The following EPHA6 variants were observed in gnomAD, a reference collection of about 807,000 sequenced individuals.
The protein encoded by EPHA6 is EPH receptor A6.
EPHA6 carries 50 observed loss-of-function variants against 112.0 expected under a neutral mutation model. That is an observed-to-expected ratio of 0.45 (90% CI 0.36 to 0.56). The LOEUF is 0.56. EPHA6 is among the 20% of genes least tolerant of loss of function. The pLI, the probability that EPHA6 is intolerant of heterozygous loss-of-function variation, is 0.00. For synonymous variants in EPHA6, 529 were observed against 490.7 expected (o/e 1.08, Z -1.03); for missense variants, 1,280 against 1,417.4 (o/e 0.90, Z 1.56).
intron 3 of EPHA6, among the ~76,000 whole-genome samples, chr3:97,068,380 G>C (rs2046247041): frequency 6.6e-6 from 1 of 151,978 alleles, no homozygotes; most frequent in African/African-American, 2.4e-5. Context: ...GGTATGAAAG[G>C]AAACTTAAGC....
intron 15 of EPHA6, among the ~76,000 whole-genome samples, chr3:97,730,818 G>A (rs904848861): frequency 6.6e-6 from 1 of 152,132 alleles, no homozygotes; most frequent in Non-Finnish European, 1.5e-5. Context: ...TGTGCTACAT[G>A]CTGGGAACAC....
Position 97,365,162 on chromosome 3 carries a change from AG to A in EPHA6, c.1607-39987del, listed in dbSNP as rs545192549. On this transcript the variant is annotated intron_variant, in intron 5 of 17. Coordinates refer to ENST00000389672, the MANE Select transcript of EPHA6 (RefSeq NM_001080448.3). ...ATGAATATCTCTTAAATTTTGTGTAAGAAGCTATTATCATAATCATATTCAT... is the reference window on the plus strand; with the variant it reads ...ATGAATATCTCTTAAATTTTGTGTAAAAGCTATTATCATAATCATATTCAT... Among the ~76,000 whole-genome samples the A allele has an allele frequency of 9.2e-5, 14 of 152,304 alleles. No homozygotes were observed. In the East Asian group the frequency reaches 2.7e-3, roughly 29 times the overall value.
chr3:96,937,782 G>A (rs1468253192), intron 2 of EPHA6, among the ~76,000 whole-genome samples: 4 of 152,072 alleles, frequency 2.6e-5, no homozygotes, highest in African/African-American at 7.2e-5. Context: ...ATTAATTTTT[G>A]TATAAGGTGT....
At chr3:97,266,780 T>C (rs1490329564) in intron 5 of EPHA6, among the ~76,000 whole-genome samples, 1 of 118,054 alleles carries the variant, frequency 8.5e-6, no homozygotes, top group Non-Finnish European at 1.5e-5. Flanking sequence ...TAAAGGATGA[T>C]ACTAATATAA....
In EPHA6 at chr3:97,507,881, A is replaced by G. The variant is rs2092287078; in HGVS notation, c.2200+23822A>G. Among the ~76,000 whole-genome samples the G allele has an allele frequency of 3.3e-5, 5 of 152,046 alleles. No homozygotes were observed. The South Asian group carries it at 1.0e-3, about 31-fold the overall frequency. ...CAGGGATTCGACTTCTTCCTGGTTTAGCCTTGGGAGGGTGTACGTGTCCAG... is the reference window on the plus strand; with the variant it reads ...CAGGGATTCGACTTCTTCCTGGTTTGGCCTTGGGAGGGTGTACGTGTCCAG... On this transcript the variant is annotated intron_variant, in intron 10 of 17. Coordinates refer to ENST00000389672, the MANE Select transcript of EPHA6 (RefSeq NM_001080448.3).
At chr3:97,287,172 A>AT (rs34724407) in intron 5 of EPHA6, among the ~76,000 whole-genome samples, 1 of 152,136 alleles carries the variant, frequency 6.6e-6, no homozygotes, top group Non-Finnish European at 1.5e-5. Context: ...TATATGTAAA[A>AT]TTTTGTCACC....
At chr3:97,318,087 G>A (rs2081930709) in intron 5 of EPHA6, among the ~76,000 whole-genome samples, 1 of 151,998 alleles carries the variant, frequency 6.6e-6, no homozygotes, top group South Asian at 2.1e-4. Context: ...GCTCAGGTCT[G>A]TTTGGGAGAA....
chr3:97,734,077 T>C (rs1421115224), intron 15 of EPHA6, among the ~76,000 whole-genome samples: 1 of 152,064 alleles, frequency 6.6e-6, no homozygotes, highest in Non-Finnish European at 1.5e-5. Context: ...GAAATGGAGA[T>C]AATAATATCT....
chr3:97,164,863 C>A (rs1320943106), intron 3 of EPHA6, among the ~76,000 whole-genome samples: 1 of 152,032 alleles, frequency 6.6e-6, no homozygotes, highest in Non-Finnish European at 1.5e-5. Context: ...CTTATTAACT[C>A]TTTCTGGAAC....
At chr3:96,863,594 G>A (rs2107440875) in intron 1 of EPHA6, among the ~76,000 whole-genome samples, 2 of 151,934 alleles carry the variant, frequency 1.3e-5, no homozygotes, top group Middle Eastern at 6.8e-3. Flanking sequence ...AAGATACTAA[G>A]AAACAACAAA....
chr3:97,321,463 C>G (rs1203821660), intron 5 of EPHA6, among the ~76,000 whole-genome samples: 1 of 151,856 alleles, frequency 6.6e-6, no homozygotes, highest in African/African-American at 2.4e-5. Context: ...TTTCAGAAAT[C>G]AATATGCAAT....
chr3:97,202,464 T>C (rs927994390), intron 3 of EPHA6, among the ~76,000 whole-genome samples: 7 of 151,672 alleles, frequency 4.6e-5, no homozygotes, highest in Admixed American at 6.6e-5. Flanking sequence ...CCATGGTACC[T>C]GAGATTATAG....
chr3:97,485,423 G>C (rs13316627), intron 10 of EPHA6, among the ~76,000 whole-genome samples: 2,754 of 152,238 alleles, frequency 0.018, 99 homozygotes, highest in African/African-American at 0.063. Flanking sequence ...AGCTAATCCT[G>C]TTTCCCGGGT....
chr3:97,617,849 A>T (rs1333797213), intron 13 of EPHA6, among the ~76,000 whole-genome samples: 2 of 152,150 alleles, frequency 1.3e-5, no homozygotes, highest in Non-Finnish European at 2.9e-5. Context: ...TTAAAACCCC[A>T]CTGTGAATAT....
At chr3:97,344,939 A>G (rs1366408767) in intron 5 of EPHA6, among the ~76,000 whole-genome samples, 1 of 152,164 alleles carries the variant, frequency 6.6e-6, no homozygotes, top group Non-Finnish European at 1.5e-5. Flanking sequence ...GAGAAAGAAT[A>G]GGATTGGATT....
chr3:96,914,600 C>T (rs1003735366), intron 2 of EPHA6, among the ~76,000 whole-genome samples: 2 of 152,028 alleles, frequency 1.3e-5, no homozygotes. Context: ...TTGAGGATAC[C>T]GCTTCATAAT....
chr3:97,061,394 A>G (rs953134010), intron 3 of EPHA6, among the ~76,000 whole-genome samples: 2 of 152,204 alleles, frequency 1.3e-5, no homozygotes, highest in Non-Finnish European at 2.9e-5. Context: ...GTCATATCCA[A>G]GTATACAAAA....
rs781029068 is a variant in EPHA6 at position 97,669,259 on chromosome 3, TTG to T, written c.2784+31179_2784+31180del. ...TTGACCTCCTCTTTTACTTTCTGTTTTGTTTTTTTTTTCTAATATATATACCC... is the reference window on the plus strand; with the variant it reads ...TTGACCTCCTCTTTTACTTTCTGTTTTTTTTTTTTTCTAATATATATACCC... On this transcript the variant is annotated intron_variant, in intron 14 of 17. Transcript: ENST00000389672. Among the ~76,000 whole-genome samples the T allele has an allele frequency of 2.6e-5, 4 of 152,144 alleles. No homozygotes were observed. In the South Asian group the frequency reaches 6.2e-4, roughly 24 times the overall value.
chr3:97,083,327 A>G (rs576852648), intron 3 of EPHA6, among the ~76,000 whole-genome samples: 11 of 151,942 alleles, frequency 7.2e-5, no homozygotes, highest in Non-Finnish European at 1.2e-4. Context: ...GTTGATTCCA[A>G]TATCGCTTTT....
Sources: allele counts gnomAD v4.1 joint callset (sites outside exome capture counted in the v4.1 genomes callset), GRCh38; gene constraint gnomAD v4.1.1; transcripts MANE v1.5; gene names NCBI Gene and HGNC (gene_info 2026-07-23, HGNC 2026-07-21).